Variants in GAREM1 observed in about 807,000 individuals in gnomAD.
GAREM1 encodes GRB2-associated and regulator of MAPK protein 1.
Under a neutral mutation model 71.3 loss-of-function variants are expected in GAREM1, and 26 were observed. The ratio of observed to expected loss-of-function variants is 0.36; its 90% confidence interval spans 0.27 to 0.51. The LOEUF (loss-of-function observed/expected upper bound fraction) is 0.51, where lower values mean the gene tolerates loss of function less well. Among genes scored for constraint, GAREM1 ranks in the 20% least tolerant of loss-of-function variants. The pLI, the probability that GAREM1 is intolerant of heterozygous loss-of-function variation, is 0.95. For synonymous variants in GAREM1, 440 were observed against 433.2 expected, an observed-to-expected ratio of 1.02 and a Z score of -0.20; for missense variants, 1,026 against 1,103.1, an observed-to-expected ratio of 0.93 and a Z score of 0.99.
At chr18:32,434,759 T>C (rs1336972733) in intron 1 of GAREM1, among the ~76,000 whole-genome samples, 1 of 152,066 alleles carries the variant, frequency 6.6e-6, no homozygotes, top group African/African-American at 2.4e-5. Flanking sequence ...AACACCACTA[T>C]AATACCGCTA....
At chr18:32,315,227 A>G (rs1181757920) in intron 2 of GAREM1, among the ~76,000 whole-genome samples, 1 of 151,942 alleles carries the variant, frequency 6.6e-6, no homozygotes, top group Non-Finnish European at 1.5e-5. Flanking sequence ...ATCAAACATT[A>G]TACTATAGAC....
At chr18:32,382,353 C>A (rs1199137762) in intron 2 of GAREM1, among the ~76,000 whole-genome samples, 1 of 152,062 alleles carries the variant, frequency 6.6e-6, no homozygotes, top group Non-Finnish European at 1.5e-5. Flanking sequence ...TTTCACTATT[C>A]TTCTTCTTGA....
chr18:32,307,630 C>T (rs2047269573), intron 3 of GAREM1, among the ~76,000 whole-genome samples: 1 of 152,118 alleles, frequency 6.6e-6, no homozygotes, highest in Non-Finnish European at 1.5e-5. Context: ...TCAAGCAATT[C>T]TCCTGTCTCA....
chr18:32,280,689 A>G (rs1294952984), intron 4 of GAREM1, among the ~76,000 whole-genome samples: 1 of 152,236 alleles, frequency 6.6e-6, no homozygotes, highest in East Asian at 1.9e-4. Context: ...CTTACCAAGT[A>G]GAAGTTTTAA....
chr18:32,453,531 G>T (rs2048860446), intron 1 of GAREM1, among the ~76,000 whole-genome samples: 1 of 152,052 alleles, frequency 6.6e-6, no homozygotes, highest in African/African-American at 2.4e-5. Context: ...GGTAAGCCTT[G>T]GTTTGTGGCT....
intron 5 of GAREM1, among the ~76,000 whole-genome samples, chr18:32,269,169 CCATGCTTGT>C (rs2041420389): frequency 6.6e-6 from 1 of 152,138 alleles, no homozygotes; most frequent in Admixed American, 6.5e-5. Context: ...CGCATGCTTG[CCATGCTTGT>C]GCTACAGTGA....
intron 2 of GAREM1, among the ~76,000 whole-genome samples, chr18:32,353,290 G>C (rs2047771005): frequency 6.6e-6 from 1 of 152,138 alleles, no homozygotes; most frequent in Non-Finnish European, 1.5e-5. Context: ...TCTGAGCATA[G>C]GGGACACAGT....
At chr18:32,448,136 T>C (rs2048801449) in intron 1 of GAREM1, among the ~76,000 whole-genome samples, 2 of 152,208 alleles carry the variant, frequency 1.3e-5, no homozygotes, top group Admixed American at 1.3e-4. Context: ...CTATCATTTA[T>C]CAAAGTACTA....
chr18:32,318,260 A>G (rs2047398715), intron 2 of GAREM1, among the ~76,000 whole-genome samples: 1 of 152,236 alleles, frequency 6.6e-6, no homozygotes, highest in Admixed American at 6.5e-5. Context: ...CATAACTGAC[A>G]TTATGAAATA....
intron 1 of GAREM1, among the ~76,000 whole-genome samples, chr18:32,425,997 C>T (rs1490952290): frequency 6.6e-6 from 1 of 151,902 alleles, no homozygotes; most frequent in Non-Finnish European, 1.5e-5. Flanking sequence ...TGAATTTTCT[C>T]CAGTTTTAAT....
chr18:32,453,278 C>A (rs1372648616), intron 1 of GAREM1, among the ~76,000 whole-genome samples: 1 of 152,132 alleles, frequency 6.6e-6, no homozygotes, highest in Non-Finnish European at 1.5e-5. Context: ...CTGGGCCCCT[C>A]CCATAACATG....
chr18:32,332,367 G>A (rs182089951), intron 2 of GAREM1, among the ~76,000 whole-genome samples: 107 of 152,070 alleles, frequency 7.0e-4, no homozygotes, highest in Admixed American at 1.8e-3. Context: ...CACCAGAGAC[G>A]CAGCCCAGCC....
chr18:32,407,041 T>A (rs940814590), intron 1 of GAREM1, among the ~76,000 whole-genome samples: 1 of 152,202 alleles, frequency 6.6e-6, no homozygotes, highest in African/African-American at 2.4e-5. Context: ...ATTACTATGC[T>A]AAAAGTCACC....
intron 1 of GAREM1, among the ~76,000 whole-genome samples, chr18:32,402,894 G>A: frequency 8.7e-6 from 1 of 114,478 alleles, no homozygotes; most frequent in South Asian, 2.7e-4. Context: ...TGGACCTTTT[G>A]GTTGGATTTT....
In GAREM1 at chr18:32,287,026, CT is replaced by C; in HGVS notation, c.1566+4del. 6.2e-7 allele frequency: 1 copy of C among 1,605,478 alleles called. No individual in the cohort carries two copies. Among genetic ancestry groups the C allele is most frequent in the Non-Finnish European group, 8.5e-7 (1 of 1,173,132 alleles). On this transcript the variant is annotated splice_donor_region_variant and intron_variant, in intron 4 of 5. Coordinates refer to ENST00000269209, the MANE Select transcript of GAREM1 (RefSeq NM_001242409.2). This position sits in a 1 kb window ranked among gnomAD's most constrained non-coding sequence, Gnocchi z 5.9. The stretch of plus-strand genomic sequence containing the variant: ...GCACCGCATTCAAAAACAGAAATGA[CT>C]TACGGCTTCAGATTTGGGAGGCACT...
intron 1 of GAREM1, among the ~76,000 whole-genome samples, chr18:32,401,763 C>A (rs2048318348): frequency 6.6e-6 from 1 of 152,158 alleles, no homozygotes; most frequent in Non-Finnish European, 1.5e-5. Context: ...TTGTTTTCCG[C>A]AACTAAATTG....
chr18:32,413,093 C>T, intron 1 of GAREM1: 1 of 1,537,416 alleles, frequency 6.5e-7, no homozygotes, highest in South Asian at 1.1e-5. Flanking sequence ...TCCTCAGGCT[C>T]TCATCAGTTG....
intron 1 of GAREM1, among the ~76,000 whole-genome samples, chr18:32,401,305 C>T (rs559237248): frequency 6.6e-6 from 1 of 151,730 alleles, no homozygotes; most frequent in African/African-American, 2.4e-5. Flanking sequence ...TGCACATGTA[C>T]CCTAGAACTT....
chr18:32,399,873 T>G (rs1020620077), intron 1 of GAREM1, among the ~76,000 whole-genome samples: 49 of 152,352 alleles, frequency 3.2e-4, no homozygotes, highest in African/African-American at 1.1e-3. Context: ...AAGTCAATCC[T>G]AAGCAAAAAG....
Sources: allele counts gnomAD v4.1 joint callset (sites outside exome capture counted in the v4.1 genomes callset), GRCh38; gene constraint gnomAD v4.1.1; non-coding constraint Gnocchi (gnomAD v3.1); transcripts MANE v1.5; gene names NCBI Gene and HGNC (gene_info 2026-07-23, HGNC 2026-07-21).